Variants in DAB1 observed in about 807,000 individuals in gnomAD.
DAB1 encodes DAB adaptor protein 1, also known as disabled homolog 1.
A neutral mutation model predicts 64.6 loss-of-function variants in DAB1; 15 were observed. The observed-to-expected ratio is 0.23, with a 90% CI of 0.16 to 0.36. The LOEUF (loss-of-function observed/expected upper bound fraction) is 0.36. Ranked by LOEUF, DAB1 falls within the 10% of genes least tolerant of loss-of-function variation. The pLI is 1.00. For missense variants in DAB1, 596 were observed against 706.7 expected, an observed-to-expected ratio of 0.84 and a Z score of 1.78; for synonymous variants, 235 against 251.9, an observed-to-expected ratio of 0.93 and a Z score of 0.64.
chr1:57,346,318 T>C (rs937200412), intron 1 of DAB1, among the ~76,000 whole-genome samples: 1 of 152,206 alleles, frequency 6.6e-6, no homozygotes, highest in Non-Finnish European at 1.5e-5. Flanking sequence ...ACAAGCCTTC[T>C]ACACATTTTA....
intron 7 of DAB1, among the ~76,000 whole-genome samples, chr1:57,569,180 C>A (rs988606993): frequency 7.4e-6 from 1 of 134,608 alleles, no homozygotes; most frequent in Non-Finnish European, 1.5e-5. Context: ...ATGGCGTGAA[C>A]CCCAGGGGGC....
At chr1:57,340,159 T>C (rs535444862) in intron 1 of DAB1, among the ~76,000 whole-genome samples, 465 of 152,296 alleles carry the variant, frequency 3.1e-3, no homozygotes, top group South Asian at 8.3e-3. Context: ...CTGATTCATT[T>C]GCAAGTGGGA....
intron 6 of DAB1, among the ~76,000 whole-genome samples, chr1:57,738,589 G>C (rs1647809841): frequency 6.6e-6 from 1 of 152,098 alleles, no homozygotes; most frequent in Admixed American, 6.5e-5. Flanking sequence ...ACAGTGGGGT[G>C]AGTGTCAGGA....
At chr1:57,185,063 G>C (rs187468089) in intron 2 of DAB1, among the ~76,000 whole-genome samples, 1 of 152,110 alleles carries the variant, frequency 6.6e-6, no homozygotes, top group Admixed American at 6.6e-5. Flanking sequence ...ATCTTCTTGA[G>C]ACCACCAACC....
At chr1:57,673,286 A>G (rs1349467974) in intron 6 of DAB1, among the ~76,000 whole-genome samples, 1 of 152,110 alleles carries the variant, frequency 6.6e-6, no homozygotes, top group African/African-American at 2.4e-5. Context: ...TCCAACTACC[A>G]TCACATTGGG....
intron 2 of DAB1, among the ~76,000 whole-genome samples, chr1:57,210,178 T>C (rs761653152): frequency 2.6e-5 from 4 of 152,210 alleles, no homozygotes; most frequent in African/African-American, 4.8e-5. Context: ...CCAGTATTAA[T>C]ATTAATAAGC....
At chr1:57,729,207 C>T (rs907559959) in intron 6 of DAB1, among the ~76,000 whole-genome samples, 7 of 152,296 alleles carry the variant, frequency 4.6e-5, no homozygotes, top group East Asian at 1.9e-4. Flanking sequence ...TGTGGGGCAA[C>T]GGTTCCTGTA....
intron 7 of DAB1, among the ~76,000 whole-genome samples, chr1:57,596,670 G>C (rs900200311): frequency 1.3e-5 from 2 of 151,366 alleles, no homozygotes; most frequent in African/African-American, 4.8e-5. Flanking sequence ...AAAGAAGGAA[G>C]AAAAAAATGA....
At chr1:57,451,698 A>G (rs1391213373) in intron 7 of DAB1, among the ~76,000 whole-genome samples, 1 of 152,164 alleles carries the variant, frequency 6.6e-6, no homozygotes, top group African/African-American at 2.4e-5. Flanking sequence ...TCGCTTATAC[A>G]TTGTTACCTG....
intron 4 of DAB1, among the ~76,000 whole-genome samples, chr1:58,197,619 C>A (rs1255610750): frequency 6.6e-6 from 1 of 151,120 alleles, no homozygotes; most frequent in East Asian, 1.9e-4. Flanking sequence ...TGGTCTCGAT[C>A]TTTTGACCTC....
At chr1:57,153,071 G>A (rs910213639) in intron 2 of DAB1, among the ~76,000 whole-genome samples, 4 of 152,092 alleles carry the variant, frequency 2.6e-5, no homozygotes, top group African/African-American at 7.2e-5. Context: ...TGTCATCCAG[G>A]CTGACGTGCA....
chr1:58,112,406 G>A (rs1264489232), intron 5 of DAB1, among the ~76,000 whole-genome samples: 1 of 152,158 alleles, frequency 6.6e-6, no homozygotes, highest in Admixed American at 6.5e-5. Context: ...ATAACTGCAT[G>A]AATAGATGTT....
Position 57,641,378 on chromosome 1 carries a change from G to GTTTTTTTTT in DAB1, n.625+8213_625+8214insAAAAAAAAA, listed in dbSNP as rs1491296848. ...TGCCCAGTTCCCTCTTTTTTTTGTT[G>GTTTTTTTTT]GTTTTTTTTTTTTTTTTTTTTTTGA... On this transcript the variant is annotated intron_variant and non_coding_transcript_variant, in intron 7 of 20. Coordinates refer to the DAB1 transcript ENST00000485760. Among the ~76,000 whole-genome samples the GTTTTTTTTT allele has an allele frequency of 1.4e-3, 149 of 109,782 alleles. 16 individuals are homozygous for GTTTTTTTTT. The highest frequency in any genetic ancestry group is 2.9e-3 in the African/African-American group (87 of 30,006). The allele number at this position is 109,782 out of a possible 152,430, so 72.0% of individuals were successfully genotyped here.
upstream of DAB1, among the ~76,000 whole-genome samples, chr1:57,886,031 A>G: frequency 6.6e-6 from 1 of 152,232 alleles, no homozygotes; most frequent in East Asian, 1.9e-4. Flanking sequence ...TTTAAAAAAC[A>G]TAATGGAATT....
intron 4 of DAB1, among the ~76,000 whole-genome samples, chr1:58,192,176 AC>A (rs1461309666): frequency 6.6e-6 from 1 of 152,176 alleles, no homozygotes; most frequent in Non-Finnish European, 1.5e-5. Flanking sequence ...GGCACCTAGA[AC>A]AGTCAAACTC....
intron 9 of DAB1, among the ~76,000 whole-genome samples, chr1:57,051,449 T>TG (rs3834091): frequency 5.9e-5 from 9 of 152,014 alleles, no homozygotes; most frequent in Middle Eastern, 3.2e-3. Context: ...ATGGGAGTTG[T>TG]GGGGGGGAAG....
At chr1:57,786,663 T>C (rs933826326) in intron 6 of DAB1, among the ~76,000 whole-genome samples, 3 of 152,168 alleles carry the variant, frequency 2.0e-5, no homozygotes, top group Admixed American at 6.6e-5. Flanking sequence ...ATGAAGACAC[T>C]GAACCGTGGA....
chr1:57,652,468 T>C (rs1163470589), intron 6 of DAB1, among the ~76,000 whole-genome samples: 3 of 152,188 alleles, frequency 2.0e-5, no homozygotes, highest in Non-Finnish European at 4.4e-5. Context: ...TTCCGTTAGC[T>C]GGCTCTACGT....
intron 7 of DAB1, among the ~76,000 whole-genome samples, chr1:57,626,895 A>G (rs1645929270): frequency 6.6e-6 from 1 of 152,152 alleles, no homozygotes; most frequent in Non-Finnish European, 1.5e-5. Flanking sequence ...ATTCCAATGT[A>G]TAAATCGTGG....
Sources: allele counts gnomAD v4.1 joint callset (sites outside exome capture counted in the v4.1 genomes callset), GRCh38; gene constraint gnomAD v4.1.1; transcripts MANE v1.5; gene names NCBI Gene and HGNC (gene_info 2026-07-23, HGNC 2026-07-21).